CCDC138: variants seen among roughly 807,000 people sequenced by gnomAD.
The protein encoded by CCDC138 is coiled-coil domain containing 138.
A neutral mutation model predicts 82.3 loss-of-function variants in CCDC138; 66 were observed. The ratio of observed to expected loss-of-function variants is 0.80; its 90% CI spans 0.66 to 0.98. The LOEUF (loss-of-function observed/expected upper bound fraction) is 0.98, where lower values mean the gene tolerates loss of function less well. CCDC138 is among the 50% of genes least tolerant of loss of function. CCDC138 has a pLI of 0.00. For synonymous variants in CCDC138, 297 were observed against 265.4 expected, an observed-to-expected ratio of 1.12 and a Z score of -1.16; for missense variants, 816 against 758.9, an observed-to-expected ratio of 1.08 and a Z score of -0.88.
At chr2:108,848,695 T>C (rs574013361) in intron 12 of CCDC138, among the ~76,000 whole-genome samples, 1 of 152,250 alleles carries the variant, frequency 6.6e-6, no homozygotes, top group South Asian at 2.1e-4. Context: ...TTATAACAAG[T>C]AAAACAGCAA....
chr2:108,823,881 G>A (rs931442965), intron 10 of CCDC138, among the ~76,000 whole-genome samples: 1 of 152,120 alleles, frequency 6.6e-6, no homozygotes, highest in African/African-American at 2.4e-5. Flanking sequence ...GGATGCTGAG[G>A]CAAGAGAATT....
In CCDC138 at chr2:108,797,085, CT is replaced by C. The variant is rs569839540; in HGVS notation, c.577-1342del. On this transcript the variant is annotated intron_variant, in intron 5 of 14. Coordinates refer to ENST00000295124, the MANE Select transcript of CCDC138 (RefSeq NM_144978.3). The stretch of plus-strand genomic sequence containing the variant: ...TGACTTTGGAGCCTGTGAGAAAGAT[CT>C]GAGCAGTTGTAGGTTGGGAACAATT... 1.9e-3 allele frequency among the ~76,000 whole-genome samples: 284 copies of C among 152,256 alleles called. 3 individuals carry two copies. Among genetic ancestry groups the C allele is most frequent in the African/African-American group, 6.6e-3 (275 of 41,534 alleles).
At chr2:108,831,732 C>T (rs1347905978) in intron 10 of CCDC138, among the ~76,000 whole-genome samples, 2 of 151,786 alleles carry the variant, frequency 1.3e-5, no homozygotes, top group Non-Finnish European at 2.9e-5. Flanking sequence ...TTCCTTCCTT[C>T]CTTCCGTCCT....
At chr2:108,809,910 A>G (rs559422926) in intron 7 of CCDC138, among the ~76,000 whole-genome samples, 68 of 152,226 alleles carry the variant, frequency 4.5e-4, no homozygotes, top group African/African-American at 1.5e-3. Context: ...GGTTCACACA[A>G]TTCTCCTGCC....
chr2:108,795,694 A>C (rs970737595), intron 5 of CCDC138, among the ~76,000 whole-genome samples: 1 of 152,202 alleles, frequency 6.6e-6, no homozygotes, highest in African/African-American at 2.4e-5. Context: ...GAGAGACTTA[A>C]TCTGGTCTTT....
chr2:108,882,027 G>A (rs962768685), intron 1 of CCDC138, among the ~76,000 whole-genome samples: 9 of 151,828 alleles, frequency 5.9e-5, no homozygotes, highest in African/African-American at 1.2e-4. Context: ...AGTGGCAGGC[G>A]CTTGTAGTCC....
At chr2:108,825,714 G>T (rs1686466153) in intron 10 of CCDC138, among the ~76,000 whole-genome samples, 1 of 152,004 alleles carries the variant, frequency 6.6e-6, no homozygotes, top group African/African-American at 2.4e-5. Flanking sequence ...TAGACTTTTG[G>T]GTTGTTTGCA....
chr2:108,860,751 G>C (rs1345105543), intron 13 of CCDC138, among the ~76,000 whole-genome samples: 1 of 151,704 alleles, frequency 6.6e-6, no homozygotes, highest in Non-Finnish European at 1.5e-5. Flanking sequence ...AGGGATATTG[G>C]CCTATAGTTT....
intron 10 of CCDC138, among the ~76,000 whole-genome samples, chr2:108,832,688 A>G (rs1275750548): frequency 6.6e-6 from 1 of 152,210 alleles, no homozygotes; most frequent in Non-Finnish European, 1.5e-5. Context: ...ATAAGAAAAT[A>G]TATGGAAAAG....
chr2:108,852,513 G>A (rs1289825098), intron 12 of CCDC138, among the ~76,000 whole-genome samples: 3 of 152,110 alleles, frequency 2.0e-5, no homozygotes, highest in East Asian at 1.9e-4. Flanking sequence ...AATGCCCATC[G>A]AAGATAACCT....
chr2:108,825,517 T>G (rs1686423643), intron 10 of CCDC138, among the ~76,000 whole-genome samples: 1 of 152,164 alleles, frequency 6.6e-6, no homozygotes, highest in Non-Finnish European at 1.5e-5. Context: ...CTTTCTGTCT[T>G]TATAGATTTT....
At chr2:108,833,588 A>G (rs895348145) in intron 10 of CCDC138, among the ~76,000 whole-genome samples, 1 of 152,178 alleles carries the variant, frequency 6.6e-6, no homozygotes, top group Non-Finnish European at 1.5e-5. Flanking sequence ...CCTTTTTTGT[A>G]AAAGGACAAA....
chr2:108,857,478 A>G lies in CCDC138; in HGVS notation c.1693+508A>G, dbSNP rs1217246164. Among the ~76,000 whole-genome samples, 3 of 152,194 alleles carry G rather than the reference A, an allele frequency of 2.0e-5. No homozygotes were observed. The East Asian group carries it at 5.8e-4, about 29-fold the overall frequency. On this transcript the variant is annotated intron_variant, in intron 13 of 14. Transcript: ENST00000295124. ...TCCAGGGATTCCCCAGCTAAACACAAGTAGAACTGAGACTTAAAGCCACAT... is the reference window on the plus strand; with the variant it reads ...TCCAGGGATTCCCCAGCTAAACACAGGTAGAACTGAGACTTAAAGCCACAT...
At position 108,786,774 on chromosome 2, in the gene CCDC138, G is replaced by A. The variant is rs201024181; in HGVS notation, c.-49G>A. ...CGCACTGCGGCCGCGTAGCGCCGCG[G>A]GTTTGATGAACGCGGTTCCCGGGGA... On this transcript the variant is annotated 5_prime_UTR_variant, in exon 1 of 15. Coordinates refer to ENST00000295124, the MANE Select transcript of CCDC138 (RefSeq NM_144978.3). The A allele has an allele frequency of 6.6e-7, 1 of 1,511,880 alleles. No homozygotes were observed. The highest frequency in any genetic ancestry group is 2.0e-5 in the Admixed American group (1 of 51,096). The allele number at this position is 1,511,880 out of a possible 1,614,324, so 93.7% of individuals were successfully genotyped here.
intron 9 of CCDC138, among the ~76,000 whole-genome samples, chr2:108,813,590 T>TA (rs752974752): frequency 2.0e-5 from 3 of 152,222 alleles, no homozygotes; most frequent in Non-Finnish European, 4.4e-5. Context: ...TGGATTTCCA[T>TA]ATGTCTTTTT....
chr2:108,786,910 G>T lies in CCDC138; in HGVS notation c.88G>T (p.Asp30Tyr). 1 of 1,534,672 alleles carries T rather than the reference G, an allele frequency of 6.5e-7. No individual in the cohort carries two copies. Among genetic ancestry groups the T allele is most frequent in the Non-Finnish European group, 8.8e-7 (1 of 1,142,846 alleles). ...CTACGGACTCGGGGGCAGCTGCCCC[G>T]ACGAGGTGAAGCCGCCGCCTGAGGT... ...SRYGLGGSCP[D>Y]EYDFSNFYQS... is the part of the protein sequence containing the mutation. Residue 30 changes from aspartate (D) to tyrosine (Y), a missense_variant, in exon 1 of 15, where the codon GAC (aspartate) becomes TAC (tyrosine). Transcript: ENST00000295124.
At chr2:108,868,375 C>A (rs1037108637) in intron 13 of CCDC138, among the ~76,000 whole-genome samples, 3 of 152,134 alleles carry the variant, frequency 2.0e-5, no homozygotes, top group African/African-American at 7.2e-5. Flanking sequence ...TAAATACTTT[C>A]CACCAAGCTT....
intron 10 of CCDC138, among the ~76,000 whole-genome samples, chr2:108,835,965 A>C (rs902407448): frequency 3.3e-5 from 5 of 152,180 alleles, no homozygotes; most frequent in Non-Finnish European, 7.3e-5. Flanking sequence ...AGGGTGGAAG[A>C]GCAGGAGAAA....
chr2:108,862,489 G>T (rs538725982), intron 13 of CCDC138, among the ~76,000 whole-genome samples: 1 of 152,046 alleles, frequency 6.6e-6, no homozygotes, highest in African/African-American at 2.4e-5. Context: ...GTATAATGTG[G>T]TGATTACAGT....
Sources: gnomAD v4.1 joint callset for allele counts (sites outside exome capture counted in the v4.1 genomes callset) on GRCh38, gnomAD v4.1.1 for gene constraint, MANE v1.5 for transcripts, NCBI Gene and HGNC (gene_info 2026-07-23, HGNC 2026-07-21) for gene names.